CALCOCO1: variants seen among roughly 807,000 people sequenced by gnomAD.
The protein encoded by CALCOCO1 is calcium-binding and coiled-coil domain-containing protein 1.
CALCOCO1 carries 44 observed loss-of-function variants against 86.3 expected under a neutral mutation model. The ratio of observed to expected loss-of-function variants is 0.51; its 90% CI spans 0.40 to 0.66. The LOEUF (loss-of-function observed/expected upper bound fraction) is 0.66. Among genes scored for constraint, CALCOCO1 ranks in the 30% least tolerant of loss-of-function variants. The pLI is 0.00. For missense variants in CALCOCO1, 708 were observed against 851.1 expected, an observed-to-expected ratio of 0.83 and a Z score of 2.09; for synonymous variants, 297 against 327.6, an observed-to-expected ratio of 0.91 and a Z score of 1.01.
At position 53,715,954 on chromosome 12, in the gene CALCOCO1, C is replaced by T; in HGVS notation, c.1099G>A (p.Ala367Thr). ...QKATLLGEEL[A>T]SAAAARDRTI... is the part of the protein sequence containing the mutation. Reference sequence around the variant, plus strand: ...CGGTCCCTGGCTGCTGCTGCACTGGCCAACTCCTCCCCAAGAAGGGTGGCT... The same window carrying T: ...CGGTCCCTGGCTGCTGCTGCACTGGTCAACTCCTCCCCAAGAAGGGTGGCT... Residue 367 changes from alanine (A) to threonine (T), a missense_variant, in exon 9 of 15, where the codon GCC (alanine) becomes ACC (threonine). By Grantham distance (58) the Ala-to-Thr change is moderately conservative. Transcript: ENST00000550804. The T allele has an allele frequency of 1.2e-6, 2 of 1,614,192 alleles. No individual in the cohort carries two copies. The highest frequency in any genetic ancestry group is 1.7e-6 in the Non-Finnish European group (2 of 1,180,048).
In CALCOCO1 at chr12:53,710,916, C is replaced by T; in HGVS notation, c.*1028G>A. 4.2e-6 allele frequency: 1 copy of T among 240,144 alleles called. No individual in the cohort carries two copies. The allele number at this position is 240,144 out of a possible 1,614,324, so 14.9% of individuals were successfully genotyped here. ...TCCCCAACTGCCGCATTATCCAAGC[C>T]AGACTCCCACTTGAGACAACCCACT... On this transcript the variant is annotated 3_prime_UTR_variant, in exon 15 of 15. Coordinates refer to ENST00000550804, the MANE Select transcript of CALCOCO1 (RefSeq NM_020898.3).
In CALCOCO1 at chr12:53,711,920, T is replaced by A; in HGVS notation, c.*24A>T. 1 of 1,530,632 alleles carries A rather than the reference T, an allele frequency of 6.5e-7. No homozygotes were observed. The highest frequency in any genetic ancestry group is 8.8e-7 in the Non-Finnish European group (1 of 1,139,158). The allele number at this position is 1,530,632 out of a possible 1,614,324, so 94.8% of individuals were successfully genotyped here. A position where few individuals can be genotyped will look rare whatever the true frequency, so the allele number is the denominator to read the frequency against. ...AGTGTGTGTGTGCATGAGTGTGTAT[T>A]TGTGCATGTACGAGGGAGTAAGATC... On this transcript the variant is annotated 3_prime_UTR_variant, in exon 15 of 15. Coordinates refer to ENST00000550804, the MANE Select transcript of CALCOCO1 (RefSeq NM_020898.3).
At chr12:53,726,511 C>T (rs979293525) in intron 1 of CALCOCO1, among the ~76,000 whole-genome samples, 8 of 152,134 alleles carry the variant, frequency 5.3e-5, no homozygotes, top group African/African-American at 1.7e-4. Flanking sequence ...TAATCTATTT[C>T]CTGTGTCACT....
chr12:53,724,424 G>A, intron 3 of CALCOCO1: 1 of 533,934 alleles, frequency 1.9e-6, no homozygotes, highest in Non-Finnish European at 3.4e-6. Flanking sequence ...CAGGGGACTA[G>A]ATGCCCTCTG....
intron 4 of CALCOCO1, chr12:53,723,054 C>G (rs1042490655): frequency 2.8e-6 from 1 of 351,838 alleles, no homozygotes; most frequent in Non-Finnish European, 5.5e-6. Flanking sequence ...TTATTGAAGT[C>G]TTTTACATTC....
chr12:53,712,758 G>A (rs1467174444), intron 14 of CALCOCO1: 1 of 1,288,820 alleles, frequency 7.8e-7, no homozygotes, highest in South Asian at 1.3e-5. Context: ...CCTCCCCGGA[G>A]GACCCTAGGT....
Position 53,708,552 on chromosome 12 carries a change from T to C in CALCOCO1, c.*3392A>G, listed in dbSNP as rs1945502498. On this transcript the variant is annotated 3_prime_UTR_variant, in exon 15 of 15. Coordinates refer to ENST00000550804, the MANE Select transcript of CALCOCO1 (RefSeq NM_020898.3). ...TTGGTAATATTTATTTGAAGCTAGT[T>C]GGTGAGCTCAATGATGTTCACTTTA... is the stretch of plus-strand genomic sequence containing the variant. 1 of 152,204 alleles carries C rather than the reference T, an allele frequency of 6.6e-6. No individual in the cohort carries two copies. The highest frequency in any genetic ancestry group is 6.5e-5 in the Admixed American group (1 of 15,286). 9.4% of individuals were successfully genotyped at this position (152,204 alleles called of 1,614,324 possible).
At chr12:53,716,579 TCAATCCTGCATATC>T (rs1278846366) in intron 7 of CALCOCO1, among the ~76,000 whole-genome samples, 164 bp from the exon 8 acceptor site, 1 of 152,192 alleles carries the variant, frequency 6.6e-6, no homozygotes, top group Non-Finnish European at 1.5e-5. Flanking sequence ...CTCAAATAAC[TCAATCCTGCATATC>T]CAGTCTCCAG....
chr12:53,715,360 GAGGGGGA>G (rs1945696398), intron 9 of CALCOCO1, 35 bp from the exon 10 acceptor site: 1 of 1,613,246 alleles, frequency 6.2e-7, no homozygotes, highest in Non-Finnish European at 8.5e-7. Flanking sequence ...TGGGAGGGTG[GAGGGGGA>G]AGAAAAAGGA....
chr12:53,711,440 A>G lies in CALCOCO1; in HGVS notation c.*504T>C. 1 of 379,010 alleles carries G rather than the reference A, an allele frequency of 2.6e-6. No homozygotes were observed. Among genetic ancestry groups the G allele is most frequent in the Non-Finnish European group, 4.7e-6 (1 of 214,384 alleles). 23.5% of individuals were successfully genotyped at this position (379,010 alleles called of 1,614,324 possible). On this transcript the variant is annotated 3_prime_UTR_variant, in exon 15 of 15. Transcript: ENST00000550804. ...AGAAAGAGGAACCAATGAAACTGAG[A>G]ACCAAAAGGGACCTGAGAGGCCATG...
Position 53,715,279 on chromosome 12 carries a change from A to G in CALCOCO1, c.1307T>C (p.Leu436Ser), listed in dbSNP as rs771426941. The G allele has an allele frequency of 2.4e-5, 39 of 1,613,980 alleles. No individual in the cohort carries two copies. Among genetic ancestry groups the G allele is most frequent in the Non-Finnish European group, 3.2e-5 (38 of 1,180,022 alleles). ...CCTCTCCTCCTGAACTGCCTTCTCC[A>G]ATCGAAGTATCTCTGCACTCAGCTT... Reference protein sequence around the residue: ...ILKLSAEILRLEKAVQEERTQ... With the variant: ...ILKLSAEILRSEKAVQEERTQ... Residue 436 changes from leucine to serine, a missense_variant, in exon 10 of 15, where the codon TTG becomes TCG. By Grantham distance (145) the Leu-to-Ser change is moderately radical (BLOSUM62 -2). Coordinates refer to ENST00000550804, the MANE Select transcript of CALCOCO1 (RefSeq NM_020898.3).
At chr12:53,726,512 C>G (rs1946038161) in intron 1 of CALCOCO1, among the ~76,000 whole-genome samples, 1 of 152,160 alleles carries the variant, frequency 6.6e-6, no homozygotes, top group East Asian at 1.9e-4. Flanking sequence ...AATCTATTTC[C>G]TGTGTCACTC....
intron 2 of CALCOCO1, 95 bp from the exon 3 acceptor site, chr12:53,724,842 G>A: frequency 3.0e-6 from 3 of 994,602 alleles, no homozygotes; most frequent in Non-Finnish European, 4.5e-6. Flanking sequence ...GGGGCAGGAT[G>A]GAGCTACAGT....
Position 53,708,866 on chromosome 12 carries a change from A to G in CALCOCO1, c.*3078T>C, listed in dbSNP as rs1243167306. The G allele has an allele frequency of 6.6e-6, 1 of 152,196 alleles. No individual in the cohort carries two copies. The highest frequency in any genetic ancestry group is 2.4e-5 in the African/African-American group (1 of 41,440). 9.4% of individuals were successfully genotyped at this position (152,196 alleles called of 1,614,324 possible). On this transcript the variant is annotated 3_prime_UTR_variant, in exon 15 of 15. Coordinates refer to ENST00000550804, the MANE Select transcript of CALCOCO1 (RefSeq NM_020898.3). ...GTGGTATCCTTTGAGCTAGGAGGAA[A>G]GTAGTGTATGTTTTTGTGGAATGGT...
chr12:53,724,197 G>T, intron 3 of CALCOCO1: 1 of 435,646 alleles, frequency 2.3e-6, no homozygotes, highest in Non-Finnish European at 4.4e-6. Flanking sequence ...CGCCTGGCCT[G>T]CAGCTTTCAT....
Position 53,725,137 on chromosome 12 carries a change from G to C in CALCOCO1, c.106C>G (p.Leu36Val), listed in dbSNP as rs1945989456. 9 of 1,612,928 alleles carry C rather than the reference G, an allele frequency of 5.6e-6. No individual in the cohort carries two copies. Among genetic ancestry groups the C allele is most frequent in the Non-Finnish European group, 6.8e-6 (8 of 1,179,480 alleles). Residue 36 changes from leucine to valine, a missense_variant, in exon 2 of 15, where the codon CTT becomes GTT. Coordinates refer to ENST00000550804, the MANE Select transcript of CALCOCO1 (RefSeq NM_020898.3). Reference protein sequence around the residue: ...PNTKVECHYTLPPGTMPSASD... With the variant: ...PNTKVECHYTVPPGTMPSASD... Reference sequence around the variant, plus strand: ...GCACTGGGCATGGTGCCTGGGGGAAGGGTGTAGTGACATTCCACCTTGGTG... The same window carrying C: ...GCACTGGGCATGGTGCCTGGGGGAACGGTGTAGTGACATTCCACCTTGGTG...
rs1945534333 is a variant in CALCOCO1, at chr12:53,710,911, C to T, written c.*1033G>A. 4.3e-6 allele frequency: 1 copy of T among 232,014 alleles called. No homozygotes were observed. Among genetic ancestry groups the T allele is most frequent in the Admixed American group, 5.7e-5 (1 of 17,490 alleles). 14.4% of individuals were successfully genotyped at this position (232,014 alleles called of 1,614,324 possible). On this transcript the variant is annotated 3_prime_UTR_variant, in exon 15 of 15. Transcript: ENST00000550804. ...CTCCCTCCCCAACTGCCGCATTATCCAAGCCAGACTCCCACTTGAGACAAC... is the reference window on the plus strand; with the variant it reads ...CTCCCTCCCCAACTGCCGCATTATCTAAGCCAGACTCCCACTTGAGACAAC...
chr12:53,724,628 T>G lies in CALCOCO1; in HGVS notation c.259+17A>C. ...TCCCTTGGCTCCTCTCTCCCAATTT[T>G]CCATCTTCCCTTGTACCTTGGAACT... On this transcript the variant is annotated intron_variant, in intron 3 of 14. Transcript: ENST00000550804. 6.2e-7 allele frequency: 1 copy of G among 1,604,140 alleles called. No homozygotes were observed. The highest frequency in any genetic ancestry group is 8.5e-7 in the Non-Finnish European group (1 of 1,171,392).
intron 7 of CALCOCO1, 90 bp downstream of exon 7, chr12:53,719,649 C>T (rs1565646838): frequency 4.7e-6 from 4 of 856,410 alleles, no homozygotes; most frequent in Middle Eastern, 2.3e-4. Context: ...GTCTTCTTTA[C>T]ATTTTTATTC....
Sources: gnomAD v4.1 joint callset for allele counts (sites outside exome capture counted in the v4.1 genomes callset) on GRCh38, gnomAD v4.1.1 for gene constraint, MANE v1.5 for transcripts, NCBI Gene and HGNC (gene_info 2026-07-23, HGNC 2026-07-21) for gene names.